MAP3K2: variants seen among roughly 807,000 people sequenced by gnomAD.
MAP3K2 encodes MAP/ERK kinase kinase 2.
A neutral mutation model predicts 80.3 loss-of-function variants in MAP3K2; 24 were observed. That is an observed-to-expected ratio of 0.30 (90% confidence interval 0.22 to 0.42). The LOEUF is 0.42. Among genes scored for constraint, MAP3K2 ranks in the 10% least tolerant of loss-of-function variants. The pLI is 1.00. For synonymous variants in MAP3K2, 244 were observed against 253.7 expected (o/e 0.96, Z 0.36); for missense variants, 608 against 750.1 (o/e 0.81, Z 2.21).
chr2:127,331,039 A>G (rs1686246480), intron 5 of MAP3K2, among the ~76,000 whole-genome samples: 2 of 152,148 alleles, frequency 1.3e-5, no homozygotes, highest in East Asian at 1.9e-4. Flanking sequence ...CAGCCCACCT[A>G]GAGTTCTTCT....
chr2:127,385,882 T>C (rs1287339938), intron 1 of MAP3K2, among the ~76,000 whole-genome samples: 18 of 152,198 alleles, frequency 1.2e-4, no homozygotes, highest in South Asian at 2.1e-4. Context: ...TAAGACTCAG[T>C]CTCTAATGCA....
chr2:127,309,348 T>G (rs1057075059), intron 15 of MAP3K2, among the ~76,000 whole-genome samples: 30 of 152,330 alleles, frequency 2.0e-4, no homozygotes, highest in Non-Finnish European at 4.0e-4. Flanking sequence ...ATTTAAAATT[T>G]CATTAGCTTT....
chr2:127,358,917 T>TAA (rs564351324), intron 1 of MAP3K2, among the ~76,000 whole-genome samples: 2 of 133,282 alleles, frequency 1.5e-5, no homozygotes, highest in Non-Finnish European at 1.7e-5. Context: ...TCCAAAACAA[T>TAA]AAAAAAAAAA....
rs771694922 is a variant in MAP3K2 at position 127,325,397 on chromosome 2, AG to A, written c.677+330del. Among the ~76,000 whole-genome samples, 10 of 152,300 alleles carry A rather than the reference AG, an allele frequency of 6.6e-5. No homozygotes were observed. The East Asian group carries it at 1.5e-3, about 23-fold the overall frequency. On this transcript the variant is annotated intron_variant, in intron 9 of 16. Transcript: ENST00000682094. ...TCTATTAAAAAAGAAAACTACAGTA[AG>A]CTGAGCATGGTGGCTCATGTGTGTA...
Position 127,300,565 on chromosome 2 carries a change from G to A in MAP3K2, c.*7014C>T, listed in dbSNP as rs1685571458. The A allele has an allele frequency of 6.6e-6, 1 of 152,126 alleles. No individual in the cohort carries two copies. Among genetic ancestry groups the A allele is most frequent in the Non-Finnish European group, 1.5e-5 (1 of 67,992 alleles). The allele number at this position is 152,126 out of a possible 1,614,324, so 9.4% of individuals were successfully genotyped here. ...AAGAACCATGTGAAATGTAAGAGAT[G>A]TCAGACATTAAAAGTATTTTTGGTA... On this transcript the variant is annotated 3_prime_UTR_variant, in exon 17 of 17. Coordinates refer to ENST00000682094, the MANE Select transcript of MAP3K2 (RefSeq NM_001371910.2).
chr2:127,336,927 G>C (rs1686383918), intron 4 of MAP3K2, among the ~76,000 whole-genome samples: 1 of 152,166 alleles, frequency 6.6e-6, no homozygotes, highest in African/African-American at 2.4e-5. Flanking sequence ...GATCATCTGA[G>C]GTCAGGAGTT....
intron 1 of MAP3K2, among the ~76,000 whole-genome samples, chr2:127,344,045 A>C (rs1461806238): frequency 2.0e-5 from 3 of 152,170 alleles, no homozygotes; most frequent in Non-Finnish European, 4.4e-5. Context: ...ATTGCAATTA[A>C]GTTGATATTA....
At position 127,310,084 on chromosome 2, in the gene MAP3K2, T is replaced by C. The variant is rs1685782159; in HGVS notation, c.1457-1322A>G. ...TCATTCATTTGCATCACTATGAACA[T>C]GGATATTTGTTTTATACACTGGGTT... On this transcript the variant is annotated intron_variant, in intron 15 of 16. Transcript: ENST00000682094. The surrounding 1 kb of genome is among the most constrained non-coding windows in gnomAD (Gnocchi z 4.8). Among the ~76,000 whole-genome samples, 1 of 152,224 alleles carries C rather than the reference T, an allele frequency of 6.6e-6. No homozygotes were observed. The highest frequency in any genetic ancestry group is 2.4e-5 in the African/African-American group (1 of 41,460).
chr2:127,317,398 T>C (rs1558974474), intron 14 of MAP3K2, among the ~76,000 whole-genome samples: 1 of 152,214 alleles, frequency 6.6e-6, no homozygotes, highest in Non-Finnish European at 1.5e-5. Flanking sequence ...AATCTGAAGA[T>C]GGGCTGCTAA....
chr2:127,388,194 C>T (rs1687416190), upstream of MAP3K2: 4 of 985,100 alleles, frequency 4.1e-6, no homozygotes, highest in Admixed American at 6.2e-5. Flanking sequence ...GGCCCCGCCC[C>T]CGCCCCTGCC....
chr2:127,368,546 A>G (rs1220570268), intron 1 of MAP3K2, among the ~76,000 whole-genome samples: 2 of 151,634 alleles, frequency 1.3e-5, no homozygotes, highest in East Asian at 3.9e-4. Context: ...GGCTTGAACC[A>G]GGGAGGTGGA....
chr2:127,333,880 T>C (rs533708032), intron 5 of MAP3K2, among the ~76,000 whole-genome samples: 14 of 152,164 alleles, frequency 9.2e-5, no homozygotes, highest in African/African-American at 3.4e-4. Flanking sequence ...AGGTGGATCA[T>C]CTGAGCTCAG....
Position 127,314,770 on chromosome 2 carries a change from G to A in MAP3K2, c.1440C>T (p.Val480=). The A allele has an allele frequency of 1.9e-6, 3 of 1,607,908 alleles. No individual in the cohort carries two copies. The highest frequency in any genetic ancestry group is 2.6e-6 in the Non-Finnish European group (3 of 1,175,374). The change falls in exon 15 of 17, where the codon GTC becomes GTT. Residue 480 remains valine, a synonymous_variant. Transcript: ENST00000682094. ...ATTACTTACCTTTGATATCTCTATG[G>A]ACAATCATATTACTGTGCAAATAAT... ...GVHYLHSNMI[V]HRDIKGANIL...
rs1348085495 is a variant in MAP3K2 at position 127,307,852 on chromosome 2, G to A, written c.1635-48C>T. ...ACATTACACAAACAACAACATGAAA[G>A]AAAGCTAGTTAGCTAGAAAATGAGA... On this transcript the variant is annotated intron_variant, in intron 16 of 16. Coordinates refer to ENST00000682094, the MANE Select transcript of MAP3K2 (RefSeq NM_001371910.2). This position sits in a 1 kb window ranked among gnomAD's most constrained non-coding sequence, Gnocchi z 5.4. 1 of 1,293,658 alleles carries A rather than the reference G, an allele frequency of 7.7e-7. No homozygotes were observed. The highest frequency in any genetic ancestry group is 1.5e-5 in the African/African-American group (1 of 67,546). The allele number at this position is 1,293,658 out of a possible 1,614,324, so 80.1% of individuals were successfully genotyped here.
rs1200987592 is a variant in MAP3K2 at position 127,387,800 on chromosome 2, G to A, written c.-414C>T. ...CGGGCCCGCGTCGCTAGAGACCGGAGAAGAGGCGGGAGTGGCGACTCTGCG... is the reference window on the plus strand; with the variant it reads ...CGGGCCCGCGTCGCTAGAGACCGGAAAAGAGGCGGGAGTGGCGACTCTGCG... On this transcript the variant is annotated 5_prime_UTR_variant, in exon 1 of 17. Transcript: ENST00000682094. 1.7e-5 allele frequency: 17 copies of A among 985,122 alleles called. No individual in the cohort carries two copies. Among genetic ancestry groups the A allele is most frequent in the Non-Finnish European group, 2.0e-5 (17 of 829,814 alleles). The allele number at this position is 985,122 out of a possible 1,614,324, so 61.0% of individuals were successfully genotyped here.
chr2:127,327,042 A>G (rs966079975), intron 7 of MAP3K2, among the ~76,000 whole-genome samples: 9 of 152,184 alleles, frequency 5.9e-5, no homozygotes, highest in African/African-American at 2.2e-4. Context: ...ATATTCATTT[A>G]TACTCACTAG....
intron 1 of MAP3K2, among the ~76,000 whole-genome samples, chr2:127,372,644 C>G (rs1489114395): frequency 6.6e-6 from 1 of 152,140 alleles, no homozygotes; most frequent in Non-Finnish European, 1.5e-5. Flanking sequence ...GGGACGGGAC[C>G]TATTAGCCCA....
rs919508889 is a variant in MAP3K2 at position 127,306,499 on chromosome 2, G to A, written c.*1080C>T. On this transcript the variant is annotated 3_prime_UTR_variant, in exon 17 of 17. Transcript: ENST00000682094. The surrounding 1 kb of genome is among the most constrained non-coding windows in gnomAD (Gnocchi z 4.7). ...ATACCTGTTTTTTTGAGGTGCTTTAGTATTCTGTGATCCTAAGAACAAGGG... is the reference window on the plus strand; with the variant it reads ...ATACCTGTTTTTTTGAGGTGCTTTAATATTCTGTGATCCTAAGAACAAGGG... 3 of 152,062 alleles carry A rather than the reference G, an allele frequency of 2.0e-5. No individual in the cohort carries two copies. Among genetic ancestry groups the A allele is most frequent in the Non-Finnish European group, 4.4e-5 (3 of 68,002 alleles). 9.4% of individuals were successfully genotyped at this position (152,062 alleles called of 1,614,324 possible). A position where few individuals can be genotyped will look rare whatever the true frequency, so the allele number is the denominator to read the frequency against.
intron 1 of MAP3K2, among the ~76,000 whole-genome samples, chr2:127,362,364 C>T (rs1686906579): frequency 6.6e-6 from 1 of 152,172 alleles, no homozygotes; most frequent in South Asian, 2.1e-4. Context: ...TAGAAAGAGG[C>T]TGGCATATAG....
Sources: allele counts gnomAD v4.1 joint callset (sites outside exome capture counted in the v4.1 genomes callset), GRCh38; gene constraint gnomAD v4.1.1; non-coding constraint Gnocchi (gnomAD v3.1); transcripts MANE v1.5; gene names NCBI Gene and HGNC (gene_info 2026-07-23, HGNC 2026-07-21).